WDPCP: variants seen among roughly 807,000 people sequenced by gnomAD.
WDPCP encodes WD repeat-containing and planar cell polarity effector protein fritz homolog.
In WDPCP, 71 loss-of-function variants were observed where a neutral mutation model predicts 93.1. The observed-to-expected ratio is 0.76, with a 90% confidence interval of 0.63 to 0.93. The LOEUF is 0.93. Among genes scored for constraint, WDPCP ranks in the 40% least tolerant of loss-of-function variants. WDPCP has a pLI of 0.00. For missense variants in WDPCP, 844 were observed against 887.4 expected (o/e 0.95, Z 0.62); for synonymous variants, 315 against 315.0 (o/e 1.00, Z 0.00).
chr2:63,680,307 A>G (rs1190332264), intron 2 of WDPCP, among the ~76,000 whole-genome samples: 1 of 152,230 alleles, frequency 6.6e-6, no homozygotes, highest in Non-Finnish European at 1.5e-5. Flanking sequence ...GGTAAGAAAG[A>G]TAGTCTTGAA....
chr2:63,834,717 A>G, the WDPCP span, among the ~76,000 whole-genome samples: 1 of 152,182 alleles, frequency 6.6e-6, no homozygotes, highest in African/African-American at 2.4e-5. Context: ...GAAGAGTGGT[A>G]TGTTCAGTAG....
At chr2:63,832,776 C>T (rs1671233432), upstream of WDPCP, among the ~76,000 whole-genome samples, 1 of 152,100 alleles carries the variant, frequency 6.6e-6, no homozygotes, top group Non-Finnish European at 1.5e-5. Context: ...TCTGGGGATA[C>T]AAGAGAGACA....
intron 1 of WDPCP, chr2:63,571,349 A>G (rs1409399648): frequency 2.2e-6 from 1 of 451,356 alleles, no homozygotes; most frequent in East Asian, 7.0e-5. Flanking sequence ...ATTGAGAGAA[A>G]TAAATATATT....
intron 2 of WDPCP, among the ~76,000 whole-genome samples, chr2:63,755,508 G>GA (rs1332362074): frequency 1.3e-5 from 2 of 152,034 alleles, no homozygotes; most frequent in African/African-American, 4.8e-5. Context: ...GAAACAGGAA[G>GA]AAAAAATCTT....
chr2:63,650,206 A>T (rs975492568), intron 3 of WDPCP, among the ~76,000 whole-genome samples: 1 of 152,214 alleles, frequency 6.6e-6, no homozygotes, highest in African/African-American at 2.4e-5. Flanking sequence ...CTTTAGCTTG[A>T]GTCAGTCACC....
At chr2:63,545,905 G>C (rs1010517212) in intron 1 of WDPCP, among the ~76,000 whole-genome samples, 4 of 151,258 alleles carry the variant, frequency 2.6e-5, no homozygotes, top group Non-Finnish European at 4.4e-5. Flanking sequence ...TGGATTGAAG[G>C]CTTTTCCTGA....
At chr2:63,523,266 T>G (rs77552340) in intron 1 of WDPCP, among the ~76,000 whole-genome samples, 1 of 152,072 alleles carries the variant, frequency 6.6e-6, no homozygotes, top group Non-Finnish European at 1.5e-5. Context: ...TACCTTCATG[T>G]TAAAAACTCT....
intron 14 of WDPCP, among the ~76,000 whole-genome samples, chr2:63,196,279 CA>C (rs1026828976): frequency 2.5e-4 from 38 of 152,280 alleles, no homozygotes; most frequent in African/African-American, 8.2e-4. Flanking sequence ...TGGGGATCTG[CA>C]GCTGTGGTTG....
chr2:63,640,644 C>T (rs941325957), intron 3 of WDPCP, among the ~76,000 whole-genome samples: 16 of 152,084 alleles, frequency 1.1e-4, no homozygotes, highest in African/African-American at 3.9e-4. Context: ...TGGAATACTA[C>T]TTGACAATAA....
rs1052198588 is a variant in WDPCP at position 63,130,640 on chromosome 2, A to G, written c.2191-8584T>C. Reference sequence around the variant, plus strand: ...TTAAGGATGAGTATTTTTTTTTTCTATTTCTGCAAAGATATATTGAGATTT... The same window carrying G: ...TTAAGGATGAGTATTTTTTTTTTCTGTTTCTGCAAAGATATATTGAGATTT... On this transcript the variant is annotated intron_variant, in intron 17 of 17. Transcript: ENST00000272321. Among the ~76,000 whole-genome samples the G allele has an allele frequency of 3.4e-5, 5 of 149,018 alleles. No homozygotes were observed. The South Asian group carries it at 8.4e-4, about 25-fold the overall frequency.
At chr2:63,347,349 T>C (rs1575193258) in intron 12 of WDPCP, among the ~76,000 whole-genome samples, 1 of 152,332 alleles carries the variant, frequency 6.6e-6, no homozygotes, top group East Asian at 1.9e-4. Context: ...ATTTGGGACA[T>C]ACTTATATGA....
chr2:63,152,903 A>C lies in WDPCP; in HGVS notation c.2190+11T>G. ...TTAAATGTCTAGTAATAAACAGAGA[A>C]AGTGTTTTACCTGTTCTCTGCCGTC... On this transcript the variant is annotated intron_variant, in intron 17 of 17. Transcript: ENST00000272321. The C allele has an allele frequency of 6.2e-7, 1 of 1,610,108 alleles. No individual in the cohort carries two copies. The highest frequency in any genetic ancestry group is 8.5e-7 in the Non-Finnish European group (1 of 1,176,680).
At chr2:63,649,737 A>G (rs987143803) in intron 3 of WDPCP, among the ~76,000 whole-genome samples, 3 of 152,124 alleles carry the variant, frequency 2.0e-5, no homozygotes. Context: ...TAATGGAAAA[A>G]TTTAATTTGG....
intron 3 of WDPCP, among the ~76,000 whole-genome samples, chr2:63,625,275 A>C (rs1216144606): frequency 6.6e-6 from 1 of 152,190 alleles, no homozygotes; most frequent in Non-Finnish European, 1.5e-5. Context: ...GCACAAGACA[A>C]GGATGCTCTC....
intron 3 of WDPCP, chr2:63,606,033 G>C: frequency 6.2e-7 from 1 of 1,611,552 alleles, no homozygotes; most frequent in Non-Finnish European, 8.5e-7. Context: ...ATCAAGGTAA[G>C]GTATTTTGGA....
chr2:63,220,254 T>G (rs1024891715), intron 14 of WDPCP, among the ~76,000 whole-genome samples: 1 of 151,888 alleles, frequency 6.6e-6, no homozygotes, highest in African/African-American at 2.4e-5. Flanking sequence ...GGCCATGGAG[T>G]TTTTGAGAAT....
chr2:63,542,734 A>G (rs528608953), intron 1 of WDPCP, among the ~76,000 whole-genome samples: 4 of 152,246 alleles, frequency 2.6e-5, no homozygotes, highest in Admixed American at 2.6e-4. Context: ...CATCAAACAA[A>G]CCATGAGCAA....
At chr2:63,381,115 T>C (rs774615961) in intron 11 of WDPCP, among the ~76,000 whole-genome samples, 11 of 152,138 alleles carry the variant, frequency 7.2e-5, no homozygotes. Flanking sequence ...TTAATGTCAA[T>C]GCTTACCACA....
intron 3 of WDPCP, among the ~76,000 whole-genome samples, chr2:63,606,184 C>G (rs1709524800): frequency 6.6e-6 from 1 of 152,226 alleles, no homozygotes. Flanking sequence ...GAGTTCAAGA[C>G]CAGCCGGGGC....
Sources: allele counts gnomAD v4.1 joint callset (sites outside exome capture counted in the v4.1 genomes callset), GRCh38; gene constraint gnomAD v4.1.1; transcripts MANE v1.5; gene names NCBI Gene and HGNC (gene_info 2026-07-23, HGNC 2026-07-21).